The following ATP8A2 variants were observed in gnomAD, a reference collection of about 807,000 sequenced individuals.
The protein encoded by ATP8A2 is phospholipid-transporting ATPase IB.
Under a neutral mutation model 165.6 loss-of-function variants are expected in ATP8A2, and 100 were observed. The observed-to-expected ratio is 0.60, with a 90% confidence interval of 0.51 to 0.71. The LOEUF is 0.71. ATP8A2 is among the 30% of genes least tolerant of loss of function. ATP8A2 has a pLI of 0.00. For missense variants in ATP8A2, 1,227 were observed against 1,479.5 expected (o/e 0.83, Z 2.80); for synonymous variants, 543 against 548.8 (o/e 0.99, Z 0.15).
chr13:25,433,513 A>G (rs756727855), intron 1 of ATP8A2, among the ~76,000 whole-genome samples: 15 of 152,082 alleles, frequency 9.9e-5, no homozygotes, highest in Admixed American at 7.2e-4. Flanking sequence ...GGCTCAAGCA[A>G]TCCTCCTGCC....
chr13:25,574,516 A>G (rs185500072), intron 18 of ATP8A2, among the ~76,000 whole-genome samples: 5 of 152,368 alleles, frequency 3.3e-5, no homozygotes, highest in African/African-American at 4.8e-5. Context: ...ATTCAGAAGC[A>G]TAACTGGGCC....
At chr13:25,480,820 G>T (rs566420197) in intron 2 of ATP8A2, among the ~76,000 whole-genome samples, 10 of 149,768 alleles carry the variant, frequency 6.7e-5, no homozygotes, top group Admixed American at 2.0e-4. Context: ...GGAGGTGGAG[G>T]TTGTAGCGAG....
chr13:25,377,736 G>A (rs1468297808), intron 1 of ATP8A2, among the ~76,000 whole-genome samples: 1 of 152,166 alleles, frequency 6.6e-6, no homozygotes, highest in East Asian at 1.9e-4. Context: ...AGGTTGTGGT[G>A]AGCCAAGATT....
intron 33 of ATP8A2, chr13:25,863,449 T>C (rs1252773234): frequency 6.6e-6 from 1 of 152,204 alleles, no homozygotes; most frequent in Non-Finnish European, 1.5e-5. Context: ...GTAGATGATG[T>C]TTGCACCGAT....
chr13:25,426,649 A>G (rs1453436736), intron 1 of ATP8A2, among the ~76,000 whole-genome samples: 1 of 152,146 alleles, frequency 6.6e-6, no homozygotes, highest in African/African-American at 2.4e-5. Flanking sequence ...ACTTTAGTTA[A>G]TAATGTATCA....
intron 25 of ATP8A2, among the ~76,000 whole-genome samples, chr13:25,713,267 G>A (rs561937913): frequency 5.9e-5 from 9 of 152,296 alleles, no homozygotes; most frequent in African/African-American, 1.7e-4. Flanking sequence ...TGTAACAAAT[G>A]TCATCGTTCC....
chr13:26,000,961 A>G (rs924296043), intron 35 of ATP8A2, among the ~76,000 whole-genome samples: 4 of 152,198 alleles, frequency 2.6e-5, no homozygotes, highest in Admixed American at 2.6e-4. Flanking sequence ...AACCATTACC[A>G]CTACCTAGTT....
At position 25,710,989 on chromosome 13, in the gene ATP8A2, T is replaced by C. The variant is rs150298764; in HGVS notation, c.2384+11644T>C. Among the ~76,000 whole-genome samples the C allele has an allele frequency of 3.8e-3, 573 of 152,180 alleles. 1 individual carries two copies. The highest frequency in any genetic ancestry group is 6.5e-3 in the Non-Finnish European group (440 of 67,992). ...TGAGGCATAGACTAACAAAGATATA[T>C]CCTGAGGTCCTCTAGGTATTTTTTT... On this transcript the variant is annotated intron_variant, in intron 25 of 36. Coordinates refer to ENST00000381655, the MANE Select transcript of ATP8A2 (RefSeq NM_016529.6).
At chr13:25,502,431 CGT>C (rs2137707119) in intron 2 of ATP8A2, among the ~76,000 whole-genome samples, 1 of 152,208 alleles carries the variant, frequency 6.6e-6, no homozygotes, top group Non-Finnish European at 1.5e-5. Context: ...TGCCAGTGGG[CGT>C]GTGTTCGTTT....
chr13:25,898,498 G>T (rs989424199), intron 33 of ATP8A2, among the ~76,000 whole-genome samples: 3 of 152,248 alleles, frequency 2.0e-5, no homozygotes, highest in Non-Finnish European at 4.4e-5. Flanking sequence ...GAGGCGGTCT[G>T]CCTGTTCTCA....
intron 35 of ATP8A2, among the ~76,000 whole-genome samples, chr13:25,984,236 C>CAAAA (rs34808241): frequency 1.4e-5 from 2 of 144,766 alleles, no homozygotes; most frequent in Non-Finnish European, 1.5e-5. Flanking sequence ...GAAACCGTCT[C>CAAAA]AAAAAAAAAA....
At chr13:25,435,633 C>T (rs943665824) in intron 1 of ATP8A2, among the ~76,000 whole-genome samples, 21 of 151,968 alleles carry the variant, frequency 1.4e-4, no homozygotes, top group African/African-American at 4.8e-4. Flanking sequence ...TTGGGTTTTA[C>T]GTGTTGTTCT....
chr13:25,502,466 T>C (rs1481504651), intron 2 of ATP8A2, among the ~76,000 whole-genome samples: 5 of 152,210 alleles, frequency 3.3e-5, no homozygotes, highest in Admixed American at 3.3e-4. Context: ...TGTCCCTTAT[T>C]GTCATCTAAT....
At chr13:25,703,718 C>G (rs1232760016) in intron 25 of ATP8A2, among the ~76,000 whole-genome samples, 1 of 152,178 alleles carries the variant, frequency 6.6e-6, no homozygotes. Context: ...CCATTCCTAT[C>G]ATATACTCAG....
rs140716406 is a variant in ATP8A2 at position 25,843,725 on chromosome 13, T to C, written c.2956+4101T>C. On this transcript the variant is annotated intron_variant, in intron 30 of 36. Coordinates refer to ENST00000381655, the MANE Select transcript of ATP8A2 (RefSeq NM_016529.6). ...TAGTCAGCCGAAAGAACTAAGACACTCCCTCTCCTCCTTTCCCTATCCTTC... is the reference window on the plus strand; with the variant it reads ...TAGTCAGCCGAAAGAACTAAGACACCCCCTCTCCTCCTTTCCCTATCCTTC... Among the ~76,000 whole-genome samples the C allele has an allele frequency of 3.2e-4, 48 of 152,290 alleles. No homozygotes were observed. In the East Asian group the frequency reaches 7.1e-3, roughly 23 times the overall value.
At chr13:25,469,240 C>T in intron 2 of ATP8A2, 119 bp downstream of exon 2, 2 of 1,271,886 alleles carry the variant, frequency 1.6e-6, no homozygotes, top group South Asian at 2.9e-5. Flanking sequence ...TCCCCCAGAG[C>T]CTTCCCCTGC....
chr13:25,755,894 C>T (rs954371996), intron 25 of ATP8A2, among the ~76,000 whole-genome samples: 4 of 151,868 alleles, frequency 2.6e-5, no homozygotes, highest in South Asian at 2.1e-4. Context: ...GATGACAGTG[C>T]AAGACTCCGT....
At chr13:25,890,542 A>T (rs1953325515) in intron 33 of ATP8A2, among the ~76,000 whole-genome samples, 1 of 152,230 alleles carries the variant, frequency 6.6e-6, no homozygotes, top group Non-Finnish European at 1.5e-5. Flanking sequence ...CATGACCAGC[A>T]GACCAGCCTC....
intron 33 of ATP8A2, among the ~76,000 whole-genome samples, chr13:25,899,749 G>A (rs776619341): frequency 5.9e-5 from 9 of 152,170 alleles, no homozygotes; most frequent in African/African-American, 9.7e-5. Flanking sequence ...GCCAGACCAC[G>A]GAGGTCTTTG....
Sources: allele counts gnomAD v4.1 joint callset (sites outside exome capture counted in the v4.1 genomes callset), GRCh38; gene constraint gnomAD v4.1.1; transcripts MANE v1.5; gene names NCBI Gene and HGNC (gene_info 2026-07-23, HGNC 2026-07-21).